CCDC171: variants seen among roughly 807,000 people sequenced by gnomAD.
CCDC171 encodes the protein coiled-coil domain-containing protein 171.
In CCDC171, 177 loss-of-function variants were observed where a neutral mutation model predicts 168.2. The observed-to-expected ratio is 1.05, with a 90% CI of 0.93 to 1.19. CCDC171 has a LOEUF of 1.19. Ranked by LOEUF, CCDC171 falls within the 50% of genes most tolerant of loss-of-function variation. The probability of loss-of-function intolerance (pLI) is 0.00; values close to 1 mark genes in which losing one functional copy is unlikely to be tolerated. For synonymous variants in CCDC171, 687 were observed against 540.8 expected (o/e 1.27, Z -3.75); for missense variants, 1,991 against 1,539.0 (o/e 1.29, Z -4.91).
intron 6 of CCDC171, among the ~76,000 whole-genome samples, chr9:15,605,444 C>T (rs1487724497): frequency 6.7e-6 from 1 of 148,220 alleles, no homozygotes; most frequent in African/African-American, 2.5e-5. Flanking sequence ...CTTTGGGAGG[C>T]TGAGGCGGGC....
chr9:15,761,034 A>T (rs892887667), intron 18 of CCDC171, among the ~76,000 whole-genome samples: 1 of 152,200 alleles, frequency 6.6e-6, no homozygotes, highest in Admixed American at 6.5e-5. Context: ...GAACTTTTTG[A>T]TATGACTGGT....
At chr9:15,779,891 T>A (rs1285988735) in intron 20 of CCDC171, among the ~76,000 whole-genome samples, 1 of 152,256 alleles carries the variant, frequency 6.6e-6, no homozygotes, top group African/African-American at 2.4e-5. Context: ...CCACATATTC[T>A]GTTTGCAGTT....
intron 21 of CCDC171, among the ~76,000 whole-genome samples, chr9:15,791,639 G>A (rs201963425): frequency 3.3e-5 from 5 of 152,202 alleles, no homozygotes; most frequent in Admixed American, 2.0e-4. Flanking sequence ...TATGTTGAAT[G>A]GGAGTGGTGA....
chr9:15,893,925 G>A (rs1340150237), intron 24 of CCDC171, among the ~76,000 whole-genome samples: 4 of 152,208 alleles, frequency 2.6e-5, no homozygotes, highest in Non-Finnish European at 4.4e-5. Context: ...CCATTACTGG[G>A]TATATACCAA....
chr9:16,019,600 G>A (rs937801017), intron 3 of CCDC171, among the ~76,000 whole-genome samples: 1 of 151,700 alleles, frequency 6.6e-6, no homozygotes, highest in African/African-American at 2.4e-5. Context: ...GAAACAGAAA[G>A]ACATGGTTAG....
chr9:15,896,834 A>G lies in CCDC171; in HGVS notation c.3600+22171A>G, dbSNP rs186131426. Among the ~76,000 whole-genome samples the G allele has an allele frequency of 1.1e-4, 16 of 152,228 alleles. No homozygotes were observed. In the East Asian group the frequency reaches 2.9e-3, roughly 27 times the overall value. The stretch of plus-strand genomic sequence containing the variant: ...CTATAAAGGAATAAAATTCTTGTAT[A>G]TGTACACAAACCCTAATACATGTAG... On this transcript the variant is annotated intron_variant, in intron 24 of 25. Transcript: ENST00000380701.
chr9:15,593,038 A>G (rs2042104157), intron 5 of CCDC171, among the ~76,000 whole-genome samples: 3 of 151,818 alleles, frequency 2.0e-5, no homozygotes, highest in Non-Finnish European at 4.4e-5. Flanking sequence ...CCACCCCACA[A>G]CAGTCCCCAG....
At chr9:15,957,710 A>G (rs910043699) in intron 25 of CCDC171, among the ~76,000 whole-genome samples, 4 of 152,194 alleles carry the variant, frequency 2.6e-5, no homozygotes, top group Non-Finnish European at 5.9e-5. Flanking sequence ...AAAATTGACA[A>G]TTAAAGCAGT....
chr9:15,567,568 A>T (rs988885287), intron 2 of CCDC171, among the ~76,000 whole-genome samples: 12 of 152,174 alleles, frequency 7.9e-5, no homozygotes, highest in African/African-American at 2.7e-4. Flanking sequence ...TCCTTACATG[A>T]ATGTGAGTAT....
At chr9:16,065,470 C>G (rs1184200447), downstream of CCDC171, among the ~76,000 whole-genome samples, 1 of 151,942 alleles carries the variant, frequency 6.6e-6, no homozygotes, top group East Asian at 1.9e-4. Context: ...CTCGAGGGGC[C>G]CTGAAGGATG....
intron 24 of CCDC171, among the ~76,000 whole-genome samples, chr9:15,885,291 G>A (rs562040538): frequency 6.7e-4 from 102 of 152,264 alleles, no homozygotes; most frequent in African/African-American, 2.3e-3. Flanking sequence ...GTGGCCCTAA[G>A]TAGAAAAGCT....
intron 6 of CCDC171, among the ~76,000 whole-genome samples, chr9:16,025,306 G>A (rs560726540): frequency 1.3e-5 from 2 of 152,130 alleles, no homozygotes; most frequent in Admixed American, 6.5e-5. Flanking sequence ...GCCTGATGTG[G>A]TCATGTGCGC....
chr9:16,095,956 G>A, the CCDC171 span, among the ~76,000 whole-genome samples: 135 of 148,200 alleles, frequency 9.1e-4, 1 homozygote, highest in South Asian at 4.5e-3. Flanking sequence ...AATATCTAGT[G>A]CTTAGTAGGC....
chr9:15,880,312 T>A (rs1487167770), intron 24 of CCDC171, among the ~76,000 whole-genome samples: 2 of 152,204 alleles, frequency 1.3e-5, no homozygotes, highest in Non-Finnish European at 2.9e-5. Flanking sequence ...GCAATTCTCT[T>A]TATTCTTTTA....
intron 8 of CCDC171, among the ~76,000 whole-genome samples, chr9:15,661,361 T>A (rs1244536600): frequency 6.6e-6 from 1 of 151,430 alleles, no homozygotes. Context: ...ATGAAAAAAA[T>A]GTAATTTCAA....
chr9:15,789,997 A>C (rs1008851501), intron 21 of CCDC171, among the ~76,000 whole-genome samples: 1 of 152,030 alleles, frequency 6.6e-6, no homozygotes, highest in African/African-American at 2.4e-5. Flanking sequence ...AATCCAGTCT[A>C]TCATGGTTGG....
At chr9:15,579,056 G>T (rs1563976366) in intron 4 of CCDC171, 33 bp downstream of exon 4, 1 of 1,565,314 alleles carries the variant, frequency 6.4e-7, no homozygotes, top group South Asian at 1.1e-5. Flanking sequence ...CCAAGTTTAG[G>T]GTTGTAACCT....
chr9:15,816,385 A>T lies in CCDC171; in HGVS notation c.3268-30317A>T, dbSNP rs1371822347. 2.5e-5 allele frequency among the ~76,000 whole-genome samples: 3 copies of T among 119,280 alleles called. 1 individual carries two copies. The highest frequency in any genetic ancestry group is 5.7e-5 in the Non-Finnish European group (3 of 52,810). The allele number at this position is 119,280 out of a possible 152,430, so 78.3% of individuals were successfully genotyped here. ...AAAATAACTTGTATATAATCTCATTATCACTCACATATAAACATTATTAAT... is the reference window on the plus strand; with the variant it reads ...AAAATAACTTGTATATAATCTCATTTTCACTCACATATAAACATTATTAAT... On this transcript the variant is annotated intron_variant, in intron 21 of 25. Coordinates refer to ENST00000380701, the MANE Select transcript of CCDC171 (RefSeq NM_173550.4).
chr9:16,091,630 C>G, the CCDC171 span, among the ~76,000 whole-genome samples: 3 of 152,246 alleles, frequency 2.0e-5, no homozygotes, highest in African/African-American at 4.8e-5. Flanking sequence ...TCTAGGAAAC[C>G]CTGAAAGGCT....
Sources: allele counts gnomAD v4.1 joint callset (sites outside exome capture counted in the v4.1 genomes callset), GRCh38; gene constraint gnomAD v4.1.1; transcripts MANE v1.5; gene names NCBI Gene and HGNC (gene_info 2026-07-23, HGNC 2026-07-21).